Variants in RNASE3 observed in about 807,000 individuals in gnomAD.
RNASE3 encodes the protein ribonuclease A family member 3, also known as eosinophil cationic protein.
For missense variants in RNASE3, 192 were observed against 205.3 expected (o/e 0.94, Z 0.40); for synonymous variants, 66 against 72.0 (o/e 0.92, Z 0.42).
chr14:20,892,267 T>A lies in RNASE3; in HGVS notation c.*98T>A. 1 of 1,487,360 alleles carries A rather than the reference T, an allele frequency of 6.7e-7. No homozygotes were observed. Among genetic ancestry groups the A allele is most frequent in the East Asian group, 2.3e-5 (1 of 44,154 alleles). 92.1% of individuals were successfully genotyped at this position (1,487,360 alleles called of 1,614,324 possible). ...CATGTACTCTGGGTATCAGCAACTG[T>A]CCTCATCAGTCTCCATACCCCTTCA... On this transcript the variant is annotated 3_prime_UTR_variant, in exon 2 of 2. Coordinates refer to ENST00000304639, the MANE Select transcript of RNASE3 (RefSeq NM_002935.3).
Position 20,892,052 on chromosome 14 carries a change from C to T in RNASE3, c.366C>T (p.Asn122=). ...ATCCAGGTGCACAGAATATTTCAAA[C>T]TGCACGTATGCAGACAGACCAGGAA... ...LINPGAQNIS[N]CTYADRPGRR... The change falls in exon 2 of 2, where the codon AAC becomes AAT. Residue 122 remains asparagine, a synonymous_variant. Transcript: ENST00000304639. 2 of 1,612,728 alleles carry T rather than the reference C, an allele frequency of 1.2e-6. No individual in the cohort carries two copies. Among genetic ancestry groups the T allele is most frequent in the South Asian group, 1.1e-5 (1 of 91,062 alleles).
At position 20,891,458 on chromosome 14, in the gene RNASE3, C is replaced by A. The variant is rs375338016; in HGVS notation, c.-6+7C>A. 8.5e-6 allele frequency: 5 copies of A among 590,648 alleles called. No homozygotes were observed. The highest frequency in any genetic ancestry group is 7.7e-5 in the African/African-American group (4 of 51,696). The allele number at this position is 590,648 out of a possible 1,614,324, so 36.6% of individuals were successfully genotyped here. On this transcript the variant is annotated splice_region_variant and intron_variant, in intron 1 of 1. Coordinates refer to ENST00000304639, the MANE Select transcript of RNASE3 (RefSeq NM_002935.3). Reference sequence around the variant, plus strand: ...GCCACAGCTCAGAGACTGGGTAAGTCAACAATCCCCAGAGCTGGGACAGGA... The same window carrying A: ...GCCACAGCTCAGAGACTGGGTAAGTAAACAATCCCCAGAGCTGGGACAGGA...
At position 20,892,042 on chromosome 14, in the gene RNASE3, A is replaced by G. The variant is rs1877574696; in HGVS notation, c.356A>G (p.Asn119Ser). The part of the protein sequence containing the change: ...HCDLINPGAQ[N>S]ISNCTYADRP... The stretch of plus-strand genomic sequence containing the variant: ...GACCTCATAAATCCAGGTGCACAGA[A>G]TATTTCAAACTGCACGTATGCAGAC... The change falls in exon 2 of 2, where the codon AAT (asparagine) becomes AGT (serine). Residue 119 changes from asparagine (N) to serine (S), a missense_variant. Transcript: ENST00000304639. 1 of 1,612,696 alleles carries G rather than the reference A, an allele frequency of 6.2e-7. No homozygotes were observed. The highest frequency in any genetic ancestry group is 1.4e-5 in the African/African-American group (1 of 73,666).
chr14:20,891,559 A>T, intron 1 of RNASE3, 108 bp downstream of exon 1: 1 of 1,317,842 alleles, frequency 7.6e-7, no homozygotes, highest in Non-Finnish European at 1.0e-6. Context: ...CACTTTGGGG[A>T]CAGGAAGAAA....
Position 20,891,943 on chromosome 14 carries a change from G to GTA in RNASE3, c.260_261dup (p.Arg88TyrfsTer27), listed in dbSNP as rs1566402338. On this transcript the variant is annotated frameshift_variant, in exon 2 of 2. Coordinates refer to ENST00000304639, the MANE Select transcript of RNASE3 (RefSeq NM_002935.3). LOFTEE classifies it low-confidence loss of function (END_TRUNC). ...GTAGTTAATGTTTGTGGTAACCAAAGTATACGCTGCCCTCATAACAGAACT... is the reference window on the plus strand; with the variant it reads ...GTAGTTAATGTTTGTGGTAACCAAAGTATATACGCTGCCCTCATAACAGAACT... 3.1e-6 allele frequency: 5 copies of GTA among 1,612,908 alleles called. No individual in the cohort carries two copies. The East Asian group carries it at 8.9e-5, about 29-fold the overall frequency.
At position 20,891,945 on chromosome 14, in the gene RNASE3, A is replaced by AT. The variant is rs745763770; in HGVS notation, c.260dup (p.Arg88ThrfsTer5). ...AGTTAATGTTTGTGGTAACCAAAGT[A>AT]TACGCTGCCCTCATAACAGAACTCT... On this transcript the variant is annotated frameshift_variant, in exon 2 of 2. Coordinates refer to ENST00000304639, the MANE Select transcript of RNASE3 (RefSeq NM_002935.3). LOFTEE classifies it low-confidence loss of function (END_TRUNC). The AT allele has an allele frequency of 4.3e-6, 7 of 1,613,088 alleles. No individual in the cohort carries two copies. In the South Asian group the frequency reaches 7.7e-5, roughly 18 times the overall value.
Position 20,891,617 on chromosome 14 carries a change from C to T in RNASE3, c.-5-65C>T, listed in dbSNP as rs1189937001. 6 of 1,535,992 alleles carry T rather than the reference C, an allele frequency of 3.9e-6. 1 individual carries two copies. Among genetic ancestry groups the T allele is most frequent in the South Asian group, 2.6e-5 (2 of 76,658 alleles). On this transcript the variant is annotated intron_variant, in intron 1 of 1. Coordinates refer to ENST00000304639, the MANE Select transcript of RNASE3 (RefSeq NM_002935.3). Reference sequence around the variant, plus strand: ...CAGCAGAGGGGCCTGTGGGTTGAGACACTATAGAGTGTGTCATAACCGAGA... The same window carrying T: ...CAGCAGAGGGGCCTGTGGGTTGAGATACTATAGAGTGTGTCATAACCGAGA...
rs899587502 is a variant in RNASE3, at chr14:20,891,970, T to A, written c.284T>A (p.Leu95His). The A allele has an allele frequency of 6.2e-7, 1 of 1,613,070 alleles. No individual in the cohort carries two copies. The change falls in exon 2 of 2, where the codon CTC becomes CAC. Residue 95 changes from leucine to histidine, a missense_variant. By Grantham distance (99) the Leu-to-His change is moderately conservative. Transcript: ENST00000304639. ...ATACGCTGCCCTCATAACAGAACTCTCAACAATTGTCATCGGAGTAGATTC... is the reference window on the plus strand; with the variant it reads ...ATACGCTGCCCTCATAACAGAACTCACAACAATTGTCATCGGAGTAGATTC... ...QSIRCPHNRTLNNCHRSRFRV... is the reference protein window; with the variant it reads ...QSIRCPHNRTHNNCHRSRFRV...
At position 20,891,958 on chromosome 14, in the gene RNASE3, A is replaced by G. The variant is rs2138660501; in HGVS notation, c.272A>G (p.His91Arg). 2 of 1,613,064 alleles carry G rather than the reference A, an allele frequency of 1.2e-6. No individual in the cohort carries two copies. The highest frequency in any genetic ancestry group is 8.5e-7 in the Non-Finnish European group (1 of 1,180,028). The change falls in exon 2 of 2, where the codon CAT (histidine) becomes CGT (arginine). Residue 91 changes from histidine to arginine, a missense_variant. By Grantham distance (29) the His-to-Arg change is conservative. Transcript: ENST00000304639. ...GGTAACCAAAGTATACGCTGCCCTC[A>G]TAACAGAACTCTCAACAATTGTCAT... Reference protein sequence around the residue: ...VCGNQSIRCPHNRTLNNCHRS... With the variant: ...VCGNQSIRCPRNRTLNNCHRS...
Position 20,892,194 on chromosome 14 carries a change from A to C in RNASE3, c.*25A>C. The C allele has an allele frequency of 6.3e-7, 1 of 1,587,222 alleles. No individual in the cohort carries two copies. The highest frequency in any genetic ancestry group is 8.6e-7 in the Non-Finnish European group (1 of 1,168,198). ...AGCTCCTGTATCAGCAGTCCTCATCATCACTCATCTGCCAAGCTCCTCAAT... is the reference window on the plus strand; with the variant it reads ...AGCTCCTGTATCAGCAGTCCTCATCCTCACTCATCTGCCAAGCTCCTCAAT... On this transcript the variant is annotated 3_prime_UTR_variant, in exon 2 of 2. Coordinates refer to ENST00000304639, the MANE Select transcript of RNASE3 (RefSeq NM_002935.3).
intron 1 of RNASE3, 44 bp downstream of exon 1, chr14:20,891,495 A>G: frequency 1.4e-6 from 1 of 714,484 alleles, no homozygotes; most frequent in Non-Finnish European, 2.3e-6. Context: ...GGGCAGCGAC[A>G]GGGCAGCACC....
In RNASE3 at chr14:20,891,738, C is replaced by T. The variant is rs749747826; in HGVS notation, c.52C>T (p.Leu18Phe). Residue 18 changes from leucine (L) to phenylalanine (F), a missense_variant, in exon 2 of 2, where the codon CTT (leucine) becomes TTT (phenylalanine). Transcript: ENST00000304639. Reference sequence around the variant, plus strand: ...AATTTGTCTGCTTCTTCTGTTGGGGCTTATGGGTGTGGAGGGCTCACTCCA... The same window carrying T: ...AATTTGTCTGCTTCTTCTGTTGGGGTTTATGGGTGTGGAGGGCTCACTCCA... ...SQICLLLLLG[L>F]MGVEGSLHAR... 1.1e-5 allele frequency: 17 copies of T among 1,612,412 alleles called. No individual in the cohort carries two copies. In the Admixed American group the frequency reaches 2.3e-4, roughly 22 times the overall value.
Position 20,892,186 on chromosome 14 carries a change from T to C in RNASE3, c.*17T>C, listed in dbSNP as rs1278581774. 6.3e-7 allele frequency: 1 copy of C among 1,593,176 alleles called. No homozygotes were observed. The highest frequency in any genetic ancestry group is 1.1e-5 in the South Asian group (1 of 87,252). ...ACCATCTAAGCTCCTGTATCAGCAG[T>C]CCTCATCATCACTCATCTGCCAAGC... On this transcript the variant is annotated 3_prime_UTR_variant, in exon 2 of 2. Transcript: ENST00000304639.
At position 20,891,952 on chromosome 14, in the gene RNASE3, G is replaced by A. The variant is rs766273076; in HGVS notation, c.266G>A (p.Cys89Tyr). The change falls in exon 2 of 2, where the codon TGC becomes TAC. Residue 89 changes from cysteine to tyrosine, a missense_variant. Coordinates refer to ENST00000304639, the MANE Select transcript of RNASE3 (RefSeq NM_002935.3). ...VNVCGNQSIRCPHNRTLNNCH... is the reference protein window; with the variant it reads ...VNVCGNQSIRYPHNRTLNNCH... ...GTTTGTGGTAACCAAAGTATACGCT[G>A]CCCTCATAACAGAACTCTCAACAAT... The A allele has an allele frequency of 1.2e-6, 2 of 1,613,000 alleles. No individual in the cohort carries two copies. The highest frequency in any genetic ancestry group is 1.7e-6 in the Non-Finnish European group (2 of 1,180,030).
At chr14:20,891,626 G>C in intron 1 of RNASE3, 56 bp from the exon 2 acceptor site, 1 of 1,554,268 alleles carries the variant, frequency 6.4e-7, no homozygotes, top group South Asian at 1.3e-5. Flanking sequence ...ACACTATAGA[G>C]TGTGTCATAA....
At position 20,891,850 on chromosome 14, in the gene RNASE3, G is replaced by A. The variant is rs760744021; in HGVS notation, c.164G>A (p.Arg55Gln). The change falls in exon 2 of 2, where the codon CGG (arginine) becomes CAG (glutamine). Residue 55 changes from arginine to glutamine, a missense_variant. Coordinates refer to ENST00000304639, the MANE Select transcript of RNASE3 (RefSeq NM_002935.3). ...CCCCCTCGATGCACCATTGCAATGC[G>A]GGCAATTAACAATTATCGATGGCGT... The part of the protein sequence containing the change: ...LNPPRCTIAM[R>Q]AINNYRWRCK... The A allele has an allele frequency of 2.0e-5, 33 of 1,612,678 alleles. 1 individual carries two copies. The East Asian group carries it at 5.3e-4, about 26-fold the overall frequency.
At position 20,892,068 on chromosome 14, in the gene RNASE3, A is replaced by T; in HGVS notation, c.382A>T (p.Arg128Ter). The T allele has an allele frequency of 6.2e-7, 1 of 1,612,648 alleles. No homozygotes were observed. The highest frequency in any genetic ancestry group is 1.1e-5 in the South Asian group (1 of 91,048). Residue 128 changes from arginine to a stop codon, truncating the protein, a stop_gained, in exon 2 of 2, where the codon AGA (arginine) becomes TGA (stop). Coordinates refer to ENST00000304639, the MANE Select transcript of RNASE3 (RefSeq NM_002935.3). LOFTEE classifies it low-confidence loss of function (END_TRUNC). ...QNISNCTYADRPGRRFYVVAC... is the reference protein window; with the variant it reads ...QNISNCTYAD ...TATTTCAAACTGCACGTATGCAGAC[A>T]GACCAGGAAGGAGGTTCTATGTAGT...
chr14:20,892,006 T>C lies in RNASE3; in HGVS notation c.320T>C (p.Leu107Ser). Residue 107 changes from leucine (L) to serine (S), a missense_variant, in exon 2 of 2, where the codon TTA (leucine) becomes TCA (serine). Coordinates refer to ENST00000304639, the MANE Select transcript of RNASE3 (RefSeq NM_002935.3). ...CATCGGAGTAGATTCCGGGTGCCTTTACTCCACTGTGACCTCATAAATCCA... is the reference window on the plus strand; with the variant it reads ...CATCGGAGTAGATTCCGGGTGCCTTCACTCCACTGTGACCTCATAAATCCA... Reference protein sequence around the residue: ...NCHRSRFRVPLLHCDLINPGA... With the variant: ...NCHRSRFRVPSLHCDLINPGA... 1.2e-6 allele frequency: 2 copies of C among 1,612,936 alleles called. No individual in the cohort carries two copies. The highest frequency in any genetic ancestry group is 1.7e-6 in the Non-Finnish European group (2 of 1,180,024).
At position 20,891,919 on chromosome 14, in the gene RNASE3, T is replaced by C. The variant is rs1191832289; in HGVS notation, c.233T>C (p.Val78Ala). 3 of 1,612,918 alleles carry C rather than the reference T, an allele frequency of 1.9e-6. No individual in the cohort carries two copies. The highest frequency in any genetic ancestry group is 4.5e-5 in the East Asian group (2 of 44,896). ...NTFLRTTFAN[V>A]VNVCGNQSIR... ...TTTCTTCGTACAACTTTTGCTAATG[T>C]AGTTAATGTTTGTGGTAACCAAAGT... The change falls in exon 2 of 2, where the codon GTA becomes GCA. Residue 78 changes from valine to alanine, a missense_variant. Val to Ala is a moderately conservative substitution (Grantham distance 64, BLOSUM62 0). Transcript: ENST00000304639.
Sources: allele counts gnomAD v4.1 joint callset, GRCh38; gene constraint gnomAD v4.1.1; transcripts MANE v1.5; gene names NCBI Gene and HGNC (gene_info 2026-07-23, HGNC 2026-07-21).